The following EHMT1 variants were observed in gnomAD, a reference collection of about 807,000 sequenced individuals.
The protein encoded by EHMT1 is histone-lysine N-methyltransferase EHMT1.
EHMT1 carries 15 observed loss-of-function variants against 147.2 expected under a neutral mutation model. The observed-to-expected ratio is 0.10, with a 90% CI of 0.07 to 0.16. EHMT1 has a LOEUF of 0.16. Among genes scored for constraint, EHMT1 ranks in the 10% least tolerant of loss-of-function variants. The probability of loss-of-function intolerance (pLI) is 1.00; values close to 1 mark genes in which losing one functional copy is unlikely to be tolerated. For synonymous variants in EHMT1, 795 were observed against 709.6 expected, an observed-to-expected ratio of 1.12 and a Z score of -1.91; for missense variants, 1,587 against 1,772.4, an observed-to-expected ratio of 0.90 and a Z score of 1.88.
At chr9:137,667,342 C>T (rs1564558698) in intron 1 of EHMT1, 1 of 152,224 alleles carries the variant, frequency 6.6e-6, no homozygotes, top group Non-Finnish European at 1.5e-5. Flanking sequence ...ATTATTTGTT[C>T]TCATCTCTTT....
Position 137,776,642 on chromosome 9 carries a change from G to A in EHMT1, c.1816G>A (p.Glu606Lys), listed in dbSNP as rs369492404. Reference sequence around the variant, plus strand: ...GGGTAATTTTATGGAGTGTCAGCCCGAGAGCAGCATCTCTCACCGTTTCCA... The same window carrying A: ...GGGTAATTTTATGGAGTGTCAGCCCAAGAGCAGCATCTCTCACCGTTTCCA... Reference protein sequence around the residue: ...TAGNFMECQPESSISHRFHKD... With the variant: ...TAGNFMECQPKSSISHRFHKD... Residue 606 changes from glutamate to lysine, a missense_variant, in exon 12 of 27, where the codon GAG becomes AAG. Physicochemically the swap from Glu to Lys is moderately conservative, Grantham distance 56. Around this residue, in one of 7 missense-constraint regions of EHMT1, gnomAD observed 124 missense variants for 197.8 expected, o/e 0.63. Coordinates refer to ENST00000460843, the MANE Select transcript of EHMT1 (RefSeq NM_024757.5). The surrounding 1 kb of genome is among the most constrained non-coding windows in gnomAD (Gnocchi z 4.4). 3.1e-6 allele frequency: 5 copies of A among 1,613,896 alleles called. No individual in the cohort carries two copies. Among genetic ancestry groups the A allele is most frequent in the Non-Finnish European group, 4.2e-6 (5 of 1,180,014 alleles).
chr9:137,625,946 C>A (rs1358315689), intron 1 of EHMT1, among the ~76,000 whole-genome samples: 1 of 151,316 alleles, frequency 6.6e-6, no homozygotes, highest in Non-Finnish European at 1.5e-5. Context: ...ACCTCTGCCT[C>A]CCGGGTTCAA....
At chr9:137,672,749 A>G (rs1940826410) in intron 1 of EHMT1, among the ~76,000 whole-genome samples, 1 of 152,250 alleles carries the variant, frequency 6.6e-6, no homozygotes, top group Non-Finnish European at 1.5e-5. Flanking sequence ...CCTTAGGTTT[A>G]ATGTCTTTTT....
At chr9:137,780,847 T>C (rs113652909) in intron 14 of EHMT1, among the ~76,000 whole-genome samples, 1 of 84,530 alleles carries the variant, frequency 1.2e-5, no homozygotes, top group Non-Finnish European at 2.4e-5. Context: ...CGTGTGGTGA[T>C]GACGCCGAGA....
intron 1 of EHMT1, among the ~76,000 whole-genome samples, chr9:137,693,309 T>C (rs1943098454): frequency 6.6e-6 from 1 of 152,134 alleles, no homozygotes. Context: ...TTATTAAATA[T>C]ATTGAATAAT....
intron 25 of EHMT1, among the ~76,000 whole-genome samples, chr9:137,819,623 C>T (rs1420873423): frequency 8.1e-6 from 1 of 123,922 alleles, no homozygotes; most frequent in Non-Finnish European, 1.5e-5. Context: ...GATTGAGGGG[C>T]GCCGTGTACC....
chr9:137,805,426 A>G (rs1273816819), intron 18 of EHMT1, among the ~76,000 whole-genome samples: 1 of 152,178 alleles, frequency 6.6e-6, no homozygotes, highest in Admixed American at 6.5e-5. Flanking sequence ...ACATGTGTGT[A>G]AAGTCAGTCG....
At chr9:137,668,658 G>T (rs1363317551) in intron 1 of EHMT1, among the ~76,000 whole-genome samples, 4 of 151,820 alleles carry the variant, frequency 2.6e-5, no homozygotes, top group Non-Finnish European at 5.9e-5. Context: ...CCACTCATCT[G>T]CTTTCCTTCC....
chr9:137,793,740 G>A (rs750652222), intron 16 of EHMT1, among the ~76,000 whole-genome samples: 3 of 152,218 alleles, frequency 2.0e-5, no homozygotes, highest in Non-Finnish European at 4.4e-5. Flanking sequence ...CCTATGAACA[G>A]CATGGATGGA....
intron 1 of EHMT1, among the ~76,000 whole-genome samples, chr9:137,650,111 T>A (rs2480102): frequency 0.021 from 3,215 of 152,202 alleles, 98 homozygotes; most frequent in African/African-American, 0.072. Context: ...TTATTTATTT[T>A]TTTTTGAGAC....
intron 1 of EHMT1, among the ~76,000 whole-genome samples, chr9:137,691,877 C>T (rs1160704951): frequency 6.6e-6 from 1 of 152,190 alleles, no homozygotes; most frequent in Non-Finnish European, 1.5e-5. Context: ...GCCCTGTCTC[C>T]CCTGGGCAGG....
chr9:137,758,089 G>C (rs1380069685), intron 9 of EHMT1, 78 bp downstream of exon 9: 34 of 1,592,452 alleles, frequency 2.1e-5, no homozygotes, highest in Non-Finnish European at 2.8e-5. Flanking sequence ...GTATTAGCAT[G>C]ATGCCCCTTG....
At chr9:137,754,348 A>G (rs1405431479) in intron 8 of EHMT1, 57 bp downstream of exon 8, 5 of 1,607,496 alleles carry the variant, frequency 3.1e-6, no homozygotes, top group Non-Finnish European at 4.3e-6. Context: ...GGATGGTGCC[A>G]GGAGGCCCAC....
At chr9:137,649,390 G>GC (rs1456148634) in intron 1 of EHMT1, among the ~76,000 whole-genome samples, 3 of 152,058 alleles carry the variant, frequency 2.0e-5, no homozygotes, top group African/African-American at 7.2e-5. Context: ...AACCTGGGAG[G>GC]CGGAGGTGGC....
Position 137,757,915 on chromosome 9 carries a change from G to T in EHMT1, c.1405G>T (p.Glu469Ter). 6.2e-7 allele frequency: 1 copy of T among 1,614,090 alleles called. No individual in the cohort carries two copies. Among genetic ancestry groups the T allele is most frequent in the South Asian group, 1.1e-5 (1 of 91,070 alleles). The change falls in exon 9 of 27, where the codon GAG becomes TAG. Residue 469 changes from glutamate to a stop codon, truncating the protein, a stop_gained. Coordinates refer to ENST00000460843, the MANE Select transcript of EHMT1 (RefSeq NM_024757.5). LOFTEE classifies it high-confidence loss of function. ...ESYKSSAGSA[E>*]QTAPGDSTGY... ...GTATAAGTCATCTGCAGGAAGCGCT[G>T]AGCAGACGGCACCAGGAGACAGCAC...
chr9:137,692,567 C>G lies in EHMT1; in HGVS notation c.22-18400C>G, dbSNP rs556572467. On this transcript the variant is annotated intron_variant, in intron 1 of 26. Coordinates refer to ENST00000460843, the MANE Select transcript of EHMT1 (RefSeq NM_024757.5). ...AGACGTGAGCCACCGAGCCCGGCCTCAGATGGTGTTTTTCCATCAACTTTT... is the reference window on the plus strand; with the variant it reads ...AGACGTGAGCCACCGAGCCCGGCCTGAGATGGTGTTTTTCCATCAACTTTT... Among the ~76,000 whole-genome samples the G allele has an allele frequency of 5.8e-4, 88 of 152,146 alleles. 1 individual carries two copies. In the South Asian group the frequency reaches 0.014, roughly 24 times the overall value.
chr9:137,650,765 CA>C (rs1183972380), intron 1 of EHMT1: 4 of 151,378 alleles, frequency 2.6e-5, no homozygotes, highest in African/African-American at 7.3e-5. Flanking sequence ...CTCCTGGACC[CA>C]AGTGATCCTC....
At chr9:137,685,024 T>C (rs1190729545) in intron 1 of EHMT1, among the ~76,000 whole-genome samples, 1 of 152,230 alleles carries the variant, frequency 6.6e-6, no homozygotes, top group East Asian at 1.9e-4. Flanking sequence ...TGATTGCATC[T>C]GTAAGGTTTG....
chr9:137,694,216 C>G (rs1943195505), intron 1 of EHMT1, among the ~76,000 whole-genome samples: 1 of 134,134 alleles, frequency 7.5e-6, no homozygotes, highest in Non-Finnish European at 1.6e-5. Context: ...CTGGCCGATA[C>G]CCCCCACACA....
Sources: gnomAD v4.1 joint callset for allele counts (sites outside exome capture counted in the v4.1 genomes callset) on GRCh38, gnomAD v4.1.1 for gene constraint, gnomAD v4.1.1 regional missense constraint, Gnocchi (gnomAD v3.1) non-coding constraint, MANE v1.5 for transcripts, NCBI Gene and HGNC (gene_info 2026-07-23, HGNC 2026-07-21) for gene names.